Variants in FRMD6 observed in about 807,000 individuals in gnomAD.
FRMD6 encodes the protein FERM domain-containing protein 6.
In FRMD6, 37 loss-of-function variants were observed where a neutral mutation model predicts 73.2. The observed-to-expected ratio is 0.51, with a 90% CI of 0.39 to 0.66. The LOEUF is 0.66. FRMD6 is among the 30% of genes least tolerant of loss of function. FRMD6 has a pLI of 0.00. For missense variants in FRMD6, 714 were observed against 780.5 expected, an observed-to-expected ratio of 0.91 and a Z score of 1.02; for synonymous variants, 273 against 282.2, an observed-to-expected ratio of 0.97 and a Z score of 0.33.
the FRMD6 span, among the ~76,000 whole-genome samples, chr14:51,416,903 T>A: frequency 1.3e-5 from 2 of 152,342 alleles, no homozygotes; most frequent in Non-Finnish European, 2.9e-5. Flanking sequence ...TTTACCATTA[T>A]GTAATGGCCT....
chr14:51,521,847 A>G (rs1273674198), intron 1 of FRMD6, among the ~76,000 whole-genome samples: 4 of 152,180 alleles, frequency 2.6e-5, no homozygotes, highest in Non-Finnish European at 5.9e-5. Flanking sequence ...ACTGACCAAG[A>G]TAAATTTGTG....
intron 1 of FRMD6, among the ~76,000 whole-genome samples, chr14:51,673,258 T>C (rs961013239): frequency 2.0e-5 from 3 of 152,068 alleles, no homozygotes; most frequent in Non-Finnish European, 4.4e-5. Context: ...TCCTCTGCCT[T>C]GTGGAGTTTT....
intron 1 of FRMD6, among the ~76,000 whole-genome samples, chr14:51,494,581 T>G (rs1353913216): frequency 1.3e-5 from 2 of 152,240 alleles, no homozygotes; most frequent in Admixed American, 6.5e-5. Context: ...ATGCCACAGC[T>G]GTCATGGTTC....
intron 1 of FRMD6, among the ~76,000 whole-genome samples, chr14:51,560,399 T>A (rs1006456432): frequency 6.6e-6 from 1 of 152,196 alleles, no homozygotes; most frequent in African/African-American, 2.4e-5. Flanking sequence ...TTTCAGAAGC[T>A]GCATGGGAGA....
At chr14:51,412,126 A>G in the FRMD6 span, among the ~76,000 whole-genome samples, 1 of 151,980 alleles carries the variant, frequency 6.6e-6, no homozygotes, top group Non-Finnish European at 1.5e-5. Context: ...TCTTTTTTCT[A>G]CTTAACATCT....
chr14:51,476,126 A>G, the FRMD6 span, among the ~76,000 whole-genome samples: 4 of 152,170 alleles, frequency 2.6e-5, no homozygotes, highest in Non-Finnish European at 4.4e-5. Flanking sequence ...CACTCAAACT[A>G]TCAATTTCTC....
chr14:51,426,884 G>C, the FRMD6 span, among the ~76,000 whole-genome samples: 2 of 152,120 alleles, frequency 1.3e-5, no homozygotes, highest in Non-Finnish European at 2.9e-5. Context: ...ACCTCCTATT[G>C]TTTCACCCCA....
chr14:51,497,054 C>A (rs1883336430), intron 1 of FRMD6, among the ~76,000 whole-genome samples: 1 of 152,024 alleles, frequency 6.6e-6, no homozygotes, highest in Non-Finnish European at 1.5e-5. Context: ...CCTTAATATC[C>A]TCATTCAAAA....
chr14:51,439,262 A>G, the FRMD6 span, among the ~76,000 whole-genome samples: 1 of 152,204 alleles, frequency 6.6e-6, no homozygotes, highest in African/African-American at 2.4e-5. Context: ...TAAATACATC[A>G]CTGTATAGGA....
At chr14:51,524,939 T>C (rs1406358968) in intron 1 of FRMD6, among the ~76,000 whole-genome samples, 3 of 139,042 alleles carry the variant, frequency 2.2e-5, no homozygotes, top group Non-Finnish European at 4.5e-5. Flanking sequence ...TTTAACTTTG[T>C]GCAGAAAGAT....
At chr14:51,671,432 C>T (rs563085636) in intron 1 of FRMD6, among the ~76,000 whole-genome samples, 1 of 152,182 alleles carries the variant, frequency 6.6e-6, no homozygotes, top group Non-Finnish European at 1.5e-5. Flanking sequence ...GAGGGGTCTT[C>T]AGAAAGTTCA....
intron 1 of FRMD6, among the ~76,000 whole-genome samples, chr14:51,669,746 A>T (rs2140228918): frequency 6.6e-6 from 1 of 152,268 alleles, no homozygotes; most frequent in East Asian, 1.9e-4. Flanking sequence ...GTCTTTAATC[A>T]GATATGGTTT....
At chr14:51,703,649 C>T (rs1366359188) in intron 5 of FRMD6, among the ~76,000 whole-genome samples, 1 of 151,960 alleles carries the variant, frequency 6.6e-6, no homozygotes, top group Non-Finnish European at 1.5e-5. Context: ...CCCCTTTTTC[C>T]CAGGCATGAA....
the FRMD6 span, among the ~76,000 whole-genome samples, chr14:51,402,445 G>T: frequency 6.6e-6 from 1 of 152,076 alleles, no homozygotes; most frequent in Admixed American, 6.5e-5. Context: ...GGCCTCACAA[G>T]ATCTGAAGGT....
At chr14:51,428,135 A>G in the FRMD6 span, among the ~76,000 whole-genome samples, 1 of 152,150 alleles carries the variant, frequency 6.6e-6, no homozygotes, top group Non-Finnish European at 1.5e-5. Flanking sequence ...GACATACTCA[A>G]ACTTTTCAAG....
At chr14:51,403,924 A>G in the FRMD6 span, among the ~76,000 whole-genome samples, 1 of 152,108 alleles carries the variant, frequency 6.6e-6, no homozygotes, top group Non-Finnish European at 1.5e-5. Context: ...AAGTATTTCC[A>G]TAGGAGAGAA....
the FRMD6 span, among the ~76,000 whole-genome samples, chr14:51,446,370 G>GC: frequency 6.6e-6 from 1 of 151,488 alleles, no homozygotes; most frequent in Admixed American, 6.6e-5. Context: ...GACTGCTGCT[G>GC]CCCAAGAGTA....
chr14:51,696,750 A>G, intron 2 of FRMD6, among the ~76,000 whole-genome samples: 1 of 87,188 alleles, frequency 1.1e-5, no homozygotes. Flanking sequence ...CCCTGTCTCT[A>G]CAAAAAAAAA....
intron 2 of FRMD6, among the ~76,000 whole-genome samples, chr14:51,572,569 C>T (rs1183735696): frequency 6.6e-6 from 1 of 152,060 alleles, no homozygotes; most frequent in East Asian, 1.9e-4. Flanking sequence ...GTATGTAAAA[C>T]ATTAGGATTA....
Sources: gnomAD v4.1 joint callset for allele counts (sites outside exome capture counted in the v4.1 genomes callset) on GRCh38, gnomAD v4.1.1 for gene constraint, MANE v1.5 for transcripts, NCBI Gene and HGNC (gene_info 2026-07-23, HGNC 2026-07-21) for gene names.